MED25: variants seen among roughly 807,000 people sequenced by gnomAD.
MED25 encodes the protein mediator complex subunit 25, also known as mediator of RNA polymerase II transcription subunit 25.
MED25 carries 62 observed loss-of-function variants against 89.4 expected under a neutral mutation model. The ratio of observed to expected loss-of-function variants is 0.69; its 90% CI spans 0.57 to 0.86. MED25 has a LOEUF of 0.86. Ranked by LOEUF, MED25 falls within the 40% of genes least tolerant of loss-of-function variation. The pLI, the probability that MED25 is intolerant of heterozygous loss-of-function variation, is 0.00. For missense variants in MED25, 905 were observed against 1,005.2 expected, an observed-to-expected ratio of 0.90 and a Z score of 1.35; for synonymous variants, 449 against 427.9, an observed-to-expected ratio of 1.05 and a Z score of -0.61.
At chr19:49,821,407 C>T (rs2073980846) in intron 3 of MED25, among the ~76,000 whole-genome samples, 1 of 152,226 alleles carries the variant, frequency 6.6e-6, no homozygotes, top group Non-Finnish European at 1.5e-5. Context: ...CCCATCTCAG[C>T]TTCCCGAGTA....
intron 3 of MED25, among the ~76,000 whole-genome samples, chr19:49,827,023 G>A (rs537871653): frequency 7.9e-5 from 12 of 152,236 alleles, no homozygotes; most frequent in African/African-American, 2.6e-4. Flanking sequence ...CATGTGCCCC[G>A]CTGTGGTGGG....
Position 49,831,469 on chromosome 19 carries a change from G to A in MED25, c.1230+8G>A. 1 of 1,611,412 alleles carries A rather than the reference G, an allele frequency of 6.2e-7. No individual in the cohort carries two copies. The highest frequency in any genetic ancestry group is 1.1e-5 in the South Asian group (1 of 90,452). ...GTCCTGGAGTGGCAAGAGGTGAGGG[G>A]CCTGAGGGTCCATTGGGCACTTGGG... On this transcript the variant is annotated splice_region_variant and intron_variant, in intron 10 of 17. Coordinates refer to ENST00000312865, the MANE Select transcript of MED25 (RefSeq NM_030973.4). This position sits in a 1 kb window ranked among gnomAD's most constrained non-coding sequence, Gnocchi z 5.0.
Position 49,835,616 on chromosome 19 carries a change from G to A in MED25, c.1746+11G>A. 1 of 1,557,724 alleles carries A rather than the reference G, an allele frequency of 6.4e-7. No individual in the cohort carries two copies. The highest frequency in any genetic ancestry group is 8.7e-7 in the Non-Finnish European group (1 of 1,151,124). On this transcript the variant is annotated intron_variant, in intron 15 of 17. Transcript: ENST00000312865. The surrounding 1 kb of genome is among the most constrained non-coding windows in gnomAD (Gnocchi z 6.2). ...CCCTCACAGAATCTGGTGAGGACAGGGCTGGCGGGGTCGGGGCTGGGTTGG... is the reference window on the plus strand; with the variant it reads ...CCCTCACAGAATCTGGTGAGGACAGAGCTGGCGGGGTCGGGGCTGGGTTGG...
intron 3 of MED25, among the ~76,000 whole-genome samples, chr19:49,822,474 A>C (rs1600316744): frequency 6.6e-6 from 1 of 151,628 alleles, no homozygotes; most frequent in Non-Finnish European, 1.5e-5. Context: ...AAGGTCCTGC[A>C]ATGTTGCCCA....
downstream of MED25, chr19:49,838,570 C>T (rs1330124298): frequency 2.2e-6 from 1 of 457,422 alleles, no homozygotes; most frequent in Non-Finnish European, 4.4e-6. Context: ...ACCCATGTCT[C>T]TATCACAAGC....
At position 49,830,319 on chromosome 19, in the gene MED25, G is replaced by C; in HGVS notation, c.819+101G>C. 1.0e-5 allele frequency: 13 copies of C among 1,290,162 alleles called. No homozygotes were observed. The highest frequency in any genetic ancestry group is 1.3e-5 in the Non-Finnish European group (12 of 913,652). The allele number at this position is 1,290,162 out of a possible 1,614,324, so 79.9% of individuals were successfully genotyped here. On this transcript the variant is annotated intron_variant, in intron 7 of 17. Transcript: ENST00000312865. The surrounding 1 kb of genome is among the most constrained non-coding windows in gnomAD (Gnocchi z 4.6). ...CATGTTGGAGCTTGTGGGATGATGG[G>C]AGTCCCATGGGACATTGGGAAGGTG...
chr19:49,829,739 C>T lies in MED25; in HGVS notation c.526-47C>T. The T allele has an allele frequency of 1.3e-6, 2 of 1,551,230 alleles. No homozygotes were observed. The highest frequency in any genetic ancestry group is 1.2e-5 in the South Asian group (1 of 85,008). On this transcript the variant is annotated intron_variant, in intron 5 of 17. Transcript: ENST00000312865. The surrounding 1 kb of genome is among the most constrained non-coding windows in gnomAD (Gnocchi z 4.6). ...GGTAGGTTGGGGGCCGGCCCCAACA[C>T]CCTTATGGAGGGGGCCCGTCATGAC...
At position 49,832,318 on chromosome 19, in the gene MED25, G is replaced by A. The variant is rs1231225046; in HGVS notation, c.1385G>A (p.Gly462Asp). Residue 462 changes from glycine (G) to aspartate (D), a missense_variant, in exon 13 of 18, where the codon GGC becomes GAC. Physicochemically the swap from Gly to Asp is moderately conservative, Grantham distance 94. Coordinates refer to ENST00000312865, the MANE Select transcript of MED25 (RefSeq NM_030973.4). ...CTGTGTCTCCCGCAGACCACCCTGG[G>A]CCCTTTGTTCCGGAACTCAAGGATG... ...LIPQQLLTTL[G>D]PLFRNSRMVQ... 6.2e-7 allele frequency: 1 copy of A among 1,606,382 alleles called. No homozygotes were observed. The highest frequency in any genetic ancestry group is 8.5e-7 in the Non-Finnish European group (1 of 1,175,784).
At chr19:49,838,438 G>A (rs912322017), downstream of MED25, 10 of 381,284 alleles carry the variant, frequency 2.6e-5, no homozygotes, top group Admixed American at 3.1e-4. Flanking sequence ...TTTCTGGTTC[G>A]CCACAGTCCC....
downstream of MED25, chr19:49,840,254 A>G (rs905149799): frequency 2.2e-4 from 33 of 152,312 alleles, no homozygotes; most frequent in African/African-American, 7.5e-4. Context: ...AATTTTAATA[A>G]TTAAATATTT....
rs2073957894 is a variant in MED25, at chr19:49,818,731, T to TG, written c.180+120dup. ...CTCCTGAGTTTGAGGGAGGAGGGGC[T>TG]GGGGGTCTGGACTCCTTGTTCTGAG... is the stretch of plus-strand genomic sequence containing the variant. On this transcript the variant is annotated intron_variant, in intron 2 of 17. Coordinates refer to ENST00000312865, the MANE Select transcript of MED25 (RefSeq NM_030973.4). The TG allele has an allele frequency of 7.0e-6, 7 of 1,003,620 alleles. No individual in the cohort carries two copies. The South Asian group carries it at 9.1e-5, about 13-fold the overall frequency. 62.2% of individuals were successfully genotyped at this position (1,003,620 alleles called of 1,614,324 possible). A position where few individuals can be genotyped will look rare whatever the true frequency, so the allele number is the denominator to read the frequency against.
In MED25 at chr19:49,830,703, T is replaced by C; in HGVS notation, c.917T>C (p.Ile306Thr). 1.2e-6 allele frequency: 2 copies of C among 1,613,966 alleles called. 1 individual carries two copies. The highest frequency in any genetic ancestry group is 2.2e-5 in the South Asian group (2 of 91,076). Residue 306 changes from isoleucine to threonine, a missense_variant, in exon 9 of 18, where the codon ATC becomes ACC. By Grantham distance (89) the Ile-to-Thr change is moderately conservative. Transcript: ENST00000312865. The surrounding 1 kb of genome is among the most constrained non-coding windows in gnomAD (Gnocchi z 4.6). ...KAGLGPRFSP[I>T]TPLQQAAPGV... The stretch of plus-strand genomic sequence containing the variant: ...TTGGTCTCTCCCACAGTCTCGCCCA[T>C]CACCCCTCTCCAACAAGCTGCTCCC...
chr19:49,826,351 C>T (rs1037843474), intron 3 of MED25, among the ~76,000 whole-genome samples: 5 of 152,146 alleles, frequency 3.3e-5, no homozygotes, highest in African/African-American at 7.2e-5. Flanking sequence ...AAAACAAAAG[C>T]TGTTTTGATG....
At chr19:49,818,907 A>G (rs571867825) in intron 2 of MED25, 130 of 490,750 alleles carry the variant, frequency 2.6e-4, no homozygotes, top group South Asian at 2.6e-3. Context: ...GGTCTGAGAA[A>G]GGAGGAGCTG....
chr19:49,825,650 G>T (rs1400876280), intron 3 of MED25, among the ~76,000 whole-genome samples: 1 of 151,706 alleles, frequency 6.6e-6, no homozygotes, highest in Non-Finnish European at 1.5e-5. Context: ...CGACCAACAT[G>T]GAGAAACCCT....
downstream of MED25, chr19:49,840,373 G>A (rs1480735360): frequency 6.6e-6 from 1 of 152,082 alleles, no homozygotes; most frequent in Non-Finnish European, 1.5e-5. Flanking sequence ...GTAAAGATCC[G>A]ATTTGATGAT....
At position 49,830,212 on chromosome 19, in the gene MED25, G is replaced by A; in HGVS notation, c.813G>A (p.Gln271=). The A allele has an allele frequency of 6.2e-7, 1 of 1,606,974 alleles. No homozygotes were observed. Among genetic ancestry groups the A allele is most frequent in the Non-Finnish European group, 8.5e-7 (1 of 1,176,210 alleles). ...PQQPLPPVPP[Q]YQVPGNLSAA... Reference sequence around the variant, plus strand: ...AGCCTCTGCCCCCCGTCCCCCCGCAGTACCAGGTATGGATATTTCCGGGAA... The same window carrying A: ...AGCCTCTGCCCCCCGTCCCCCCGCAATACCAGGTATGGATATTTCCGGGAA... The change falls in exon 7 of 18, where the codon CAG becomes CAA. Residue 271 remains glutamine, a synonymous_variant. Transcript: ENST00000312865. This position sits in a 1 kb window ranked among gnomAD's most constrained non-coding sequence, Gnocchi z 4.6.
chr19:49,828,667 AG>A, intron 4 of MED25, 120 bp downstream of exon 4: 1 of 959,906 alleles, frequency 1.0e-6, no homozygotes, highest in South Asian at 1.3e-5. Context: ...TGTGTCCCCA[AG>A]CACGCTGAGC....
Position 49,836,417 on chromosome 19 carries a change from C to T in MED25, c.2146+11C>T, listed in dbSNP as rs1161219760. Reference sequence around the variant, plus strand: ...GGGCTCCACTGCCAGGTAAGGGGACCCGGGGGAGGGCAGAGGTCTGGACTG... The same window carrying T: ...GGGCTCCACTGCCAGGTAAGGGGACTCGGGGGAGGGCAGAGGTCTGGACTG... On this transcript the variant is annotated intron_variant, in intron 17 of 17. Coordinates refer to ENST00000312865, the MANE Select transcript of MED25 (RefSeq NM_030973.4). This position sits in a 1 kb window ranked among gnomAD's most constrained non-coding sequence, Gnocchi z 5.1. The T allele has an allele frequency of 2.5e-6, 4 of 1,578,622 alleles. No homozygotes were observed. The highest frequency in any genetic ancestry group is 3.4e-6 in the Non-Finnish European group (4 of 1,161,798).
Sources: allele counts gnomAD v4.1 joint callset (sites outside exome capture counted in the v4.1 genomes callset), GRCh38; gene constraint gnomAD v4.1.1; non-coding constraint Gnocchi (gnomAD v3.1); transcripts MANE v1.5; gene names NCBI Gene and HGNC (gene_info 2026-07-23, HGNC 2026-07-21).